The following MKRN2 variants were observed in gnomAD, a reference collection of about 807,000 sequenced individuals.
MKRN2 encodes the protein E3 ubiquitin-protein ligase makorin-2.
MKRN2 carries 32 observed loss-of-function variants against 45.4 expected under a neutral mutation model. The ratio of observed to expected loss-of-function variants is 0.70; its 90% confidence interval spans 0.53 to 0.95. The LOEUF is 0.95. Among genes scored for constraint, MKRN2 ranks in the 40% least tolerant of loss-of-function variants. The pLI is 0.00. For missense variants in MKRN2, 526 were observed against 536.7 expected (o/e 0.98, Z 0.20); for synonymous variants, 206 against 192.4 (o/e 1.07, Z -0.59).
rs962443210 is a variant in MKRN2, at chr3:12,557,088, A to G, written c.-63A>G. ...CGCGGGATGGGCCGGGCCAGGGCCA[A>G]GGCCGAGGCGGCAGCGGCTGCGAGA... On this transcript the variant is annotated 5_prime_UTR_variant, in exon 1 of 8. Transcript: ENST00000170447. The G allele has an allele frequency of 6.8e-7, 1 of 1,466,320 alleles. No individual in the cohort carries two copies. The highest frequency in any genetic ancestry group is 9.0e-7 in the Non-Finnish European group (1 of 1,109,308). The allele number at this position is 1,466,320 out of a possible 1,614,324, so 90.8% of individuals were successfully genotyped here.
intron 1 of MKRN2, among the ~76,000 whole-genome samples, chr3:12,566,527 C>G (rs1312747918): frequency 6.6e-6 from 1 of 151,932 alleles, no homozygotes; most frequent in African/African-American, 2.4e-5. Context: ...TTGTAGTATC[C>G]CATCTACTAA....
chr3:12,566,375 G>C (rs563557424), intron 1 of MKRN2, among the ~76,000 whole-genome samples: 39 of 151,424 alleles, frequency 2.6e-4, no homozygotes, highest in African/African-American at 9.2e-4. Flanking sequence ...TTTTTCAGTT[G>C]GGTTTGTTTT....
At chr3:12,575,193 G>C (rs540491187) in intron 5 of MKRN2, among the ~76,000 whole-genome samples, 187 bp downstream of exon 5, 1 of 152,216 alleles carries the variant, frequency 6.6e-6, no homozygotes, top group East Asian at 1.9e-4. Flanking sequence ...TAAAAGATGG[G>C]CAACAATTCC....
intron 4 of MKRN2, 71 bp downstream of exon 4, chr3:12,572,444 C>T (rs778334255): frequency 8.8e-6 from 12 of 1,370,558 alleles, no homozygotes; most frequent in Non-Finnish European, 1.2e-5. Context: ...CACGGAAGGC[C>T]ATCCATATAC....
At position 12,582,729 on chromosome 3, in the gene MKRN2, G is replaced by C. The variant is rs2058194033; in HGVS notation, c.*476G>C. On this transcript the variant is annotated 3_prime_UTR_variant, in exon 8 of 8. Transcript: ENST00000170447. ...TCGTCAAAATTTTGATTTATACAGA[G>C]CTTTCAAGAACACACAATGCAAAGT... 1 of 156,416 alleles carries C rather than the reference G, an allele frequency of 6.4e-6. No individual in the cohort carries two copies. Among genetic ancestry groups the C allele is most frequent in the Non-Finnish European group, 1.4e-5 (1 of 70,392 alleles). 9.7% of individuals were successfully genotyped at this position (156,416 alleles called of 1,614,324 possible).
At chr3:12,558,847 T>C (rs553178623) in intron 1 of MKRN2, among the ~76,000 whole-genome samples, 151 of 152,326 alleles carry the variant, frequency 9.9e-4, no homozygotes, top group Admixed American at 3.0e-3. Context: ...TGTTGGGGAC[T>C]TACAATGTGC....
At position 12,582,251 on chromosome 3, in the gene MKRN2, TAA is replaced by T. The variant is rs777726922; in HGVS notation, c.1251_*1del. 3 of 1,613,904 alleles carry T rather than the reference TAA, an allele frequency of 1.9e-6. No homozygotes were observed. The highest frequency in any genetic ancestry group is 2.5e-6 in the Non-Finnish European group (3 of 1,179,980). ...TTCTGGAGTGGAATCATCAGAACCC[TAA>T]AGAGTAGATGGTTGCCCTGCATCTT... The part of the protein sequence containing the change: ...HLSGVESSEP[*>X] On this transcript the variant is annotated frameshift_variant and stop_lost, in exon 8 of 8. Coordinates refer to ENST00000170447, the MANE Select transcript of MKRN2 (RefSeq NM_014160.5). LOFTEE classifies it high-confidence loss of function.
intron 6 of MKRN2, chr3:12,577,353 T>TA (rs2058148219): frequency 6.6e-6 from 1 of 152,196 alleles, no homozygotes; most frequent in African/African-American, 2.4e-5. Context: ...TAGCTATTGT[T>TA]TCATTAACTT....
chr3:12,573,426 G>A (rs998556572), intron 4 of MKRN2, among the ~76,000 whole-genome samples: 10 of 150,818 alleles, frequency 6.6e-5, no homozygotes, highest in Admixed American at 2.6e-4. Context: ...CCAGCTACTC[G>A]GCAGGACTGA....
At chr3:12,573,376 T>TA (rs1332532404) in intron 4 of MKRN2, among the ~76,000 whole-genome samples, 1 of 146,794 alleles carries the variant, frequency 6.8e-6, no homozygotes, top group East Asian at 2.0e-4. Flanking sequence ...AAAAAAAAAA[T>TA]ACAAACATTA....
At chr3:12,569,101 C>A in intron 2 of MKRN2, 98 bp downstream of exon 2, 1 of 1,381,028 alleles carries the variant, frequency 7.2e-7, no homozygotes, top group Non-Finnish European at 9.7e-7. Context: ...AATATGGCAA[C>A]ATCACAAAAA....
At chr3:12,581,436 G>C (rs2058177631) in intron 6 of MKRN2, among the ~76,000 whole-genome samples, 1 of 152,174 alleles carries the variant, frequency 6.6e-6, no homozygotes, top group African/African-American at 2.4e-5. Flanking sequence ...AAGTGGCCCA[G>C]CTTCAGAGCT....
chr3:12,564,577 G>A (rs12106867), intron 1 of MKRN2, among the ~76,000 whole-genome samples: 9 of 152,194 alleles, frequency 5.9e-5, no homozygotes, highest in African/African-American at 2.2e-4. Context: ...TGCTAACCTA[G>A]CATTGTCCCT....
chr3:12,576,785 C>A, intron 6 of MKRN2, 44 bp downstream of exon 6: 1 of 1,400,894 alleles, frequency 7.1e-7, no homozygotes, highest in Non-Finnish European at 1.0e-6. Flanking sequence ...GCCTGCCTGG[C>A]TCTGCTGTCA....
At chr3:12,576,786 T>C in intron 6 of MKRN2, 45 bp downstream of exon 6, 14 of 1,391,438 alleles carry the variant, frequency 1.0e-5, no homozygotes, top group Non-Finnish European at 1.4e-5. Context: ...CCTGCCTGGC[T>C]CTGCTGTCAG....
intron 1 of MKRN2, among the ~76,000 whole-genome samples, chr3:12,567,481 CTTTTTTTTTTT>C (rs35726193): frequency 3.4e-4 from 26 of 76,970 alleles, no homozygotes; most frequent in Non-Finnish European, 4.3e-4. Context: ...GCTAGTTTAT[CTTTTTTTTTTT>C]TTTTTTTTTT....
At chr3:12,557,460 G>T (rs1455157232) in intron 1 of MKRN2, among the ~76,000 whole-genome samples, 1 of 152,240 alleles carries the variant, frequency 6.6e-6, no homozygotes, top group African/African-American at 2.4e-5. Flanking sequence ...AGCCAGGGCC[G>T]TGCAGGATGC....
intron 1 of MKRN2, among the ~76,000 whole-genome samples, chr3:12,568,380 A>G (rs1055331429): frequency 6.6e-6 from 1 of 152,238 alleles, no homozygotes; most frequent in Non-Finnish European, 1.5e-5. Flanking sequence ...ACACTATGGT[A>G]TTTGATCCTC....
rs71063832 is a variant in MKRN2 at position 12,576,933 on chromosome 3, G to GTTTTTTTTTTTTTTTTTT, written c.968+199_968+216dup. 1.8e-4 allele frequency: 10 copies of GTTTTTTTTTTTTTTTTTT among 55,992 alleles called. 1 individual carries two copies. Among genetic ancestry groups the GTTTTTTTTTTTTTTTTTT allele is most frequent in the African/African-American group, 5.1e-4 (4 of 7,896 alleles). The allele number at this position is 55,992 out of a possible 1,614,324, so 3.5% of individuals were successfully genotyped here. A position where few individuals can be genotyped will look rare whatever the true frequency, so the allele number is the denominator to read the frequency against. On this transcript the variant is annotated intron_variant, in intron 6 of 7. Coordinates refer to ENST00000170447, the MANE Select transcript of MKRN2 (RefSeq NM_014160.5). Reference sequence around the variant, plus strand: ...TGATGTGGACCTGTTTAGTTTTGGTGTTTTTTTTTTTTTTTTTTTTTTTTC... The same window carrying GTTTTTTTTTTTTTTTTTT: ...TGATGTGGACCTGTTTAGTTTTGGTGTTTTTTTTTTTTTTTTTTTTTTTTTTTTTTTTTTTTTTTTTTC...
Sources: allele counts gnomAD v4.1 joint callset (sites outside exome capture counted in the v4.1 genomes callset), GRCh38; gene constraint gnomAD v4.1.1; transcripts MANE v1.5; gene names NCBI Gene and HGNC (gene_info 2026-07-23, HGNC 2026-07-21).